The following CCDC38 variants were observed in gnomAD, a reference collection of about 807,000 sequenced individuals.
CCDC38 encodes the protein coiled-coil domain-containing protein 38.
In CCDC38, 69 loss-of-function variants were observed where a neutral mutation model predicts 72.8. The observed-to-expected ratio is 0.95, with a 90% CI of 0.78 to 1.16. The LOEUF is 1.16. Among genes scored for constraint, CCDC38 ranks in the 50% most tolerant of loss-of-function variants. The probability of loss-of-function intolerance (pLI) is 0.00; values close to 1 mark genes in which losing one functional copy is unlikely to be tolerated. For missense variants in CCDC38, 626 were observed against 638.9 expected, an observed-to-expected ratio of 0.98 and a Z score of 0.22; for synonymous variants, 201 against 213.2, an observed-to-expected ratio of 0.94 and a Z score of 0.50.
intron 7 of CCDC38, 123 bp from the exon 8 acceptor site, chr12:95,895,269 T>A (rs1373012884): frequency 1.7e-6 from 1 of 586,966 alleles, no homozygotes; most frequent in Non-Finnish European, 2.7e-6. Flanking sequence ...TCAAAAAGGA[T>A]AAATATGGCC....
intron 1 of CCDC38, among the ~76,000 whole-genome samples, chr12:95,937,603 C>G (rs934831957): frequency 3.9e-5 from 6 of 152,158 alleles, no homozygotes; most frequent in African/African-American, 1.4e-4. Context: ...AAACAATGGA[C>G]AACACATTCT....
At chr12:95,924,521 T>G (rs912698765) in intron 2 of CCDC38, among the ~76,000 whole-genome samples, 18 of 147,460 alleles carry the variant, frequency 1.2e-4, no homozygotes, top group Admixed American at 5.4e-4. Context: ...TTTCTTTTGC[T>G]GTGCAGAAGC....
rs2079671228 is a variant in CCDC38 at position 95,879,299 on chromosome 12, G to A, written c.1142+345C>T. ...GCATTATCATCCACAGCATGATTTG[G>A]TAAAGTAAATGACAGCTAGCCAAGT... is the stretch of plus-strand genomic sequence containing the variant. On this transcript the variant is annotated intron_variant, in intron 12 of 15. Coordinates refer to ENST00000344280, the MANE Select transcript of CCDC38 (RefSeq NM_182496.3). This position sits in a 1 kb window ranked among gnomAD's most constrained non-coding sequence, Gnocchi z 5.5. Among the ~76,000 whole-genome samples the A allele has an allele frequency of 6.6e-6, 1 of 152,160 alleles. No homozygotes were observed. Among genetic ancestry groups the A allele is most frequent in the Admixed American group, 6.5e-5 (1 of 15,278 alleles).
chr12:95,913,059 T>C (rs1007678164), intron 4 of CCDC38, among the ~76,000 whole-genome samples: 2 of 152,110 alleles, frequency 1.3e-5, no homozygotes, highest in Non-Finnish European at 2.9e-5. Context: ...AGTGAGACCC[T>C]GTCTCAAAAG....
At chr12:95,906,284 A>G in intron 5 of CCDC38, 103 bp downstream of exon 5, 2 of 811,554 alleles carry the variant, frequency 2.5e-6, no homozygotes, top group South Asian at 3.3e-5. Flanking sequence ...CAACCAATAG[A>G]TTTGGGACAT....
intron 2 of CCDC38, 71 bp downstream of exon 2, chr12:95,936,402 T>A: frequency 1.4e-6 from 2 of 1,379,458 alleles, no homozygotes; most frequent in South Asian, 2.7e-5. Context: ...CCTTTTCTTA[T>A]GCTCACAATC....
chr12:95,921,019 T>C (rs2080200899), intron 2 of CCDC38, among the ~76,000 whole-genome samples: 2 of 151,770 alleles, frequency 1.3e-5, no homozygotes, highest in African/African-American at 4.8e-5. Context: ...TCCCAGCTCC[T>C]TGGGAGGCTA....
intron 15 of CCDC38, among the ~76,000 whole-genome samples, chr12:95,868,587 T>C (rs17024799): frequency 0.084 from 12,847 of 152,250 alleles, 730 homozygotes; most frequent in South Asian, 0.25. Flanking sequence ...TTGAGGTTAG[T>C]TGTAAGGCAC....
intron 8 of CCDC38, among the ~76,000 whole-genome samples, chr12:95,893,540 CA>C (rs1377324914): frequency 6.6e-6 from 1 of 151,266 alleles, no homozygotes; most frequent in African/African-American, 2.4e-5. Flanking sequence ...GGCTGGAGTG[CA>C]GTGGCATGCT....
chr12:95,935,999 A>G (rs1293232242), intron 2 of CCDC38, among the ~76,000 whole-genome samples: 4 of 152,010 alleles, frequency 2.6e-5, no homozygotes, highest in African/African-American at 7.3e-5. Flanking sequence ...AATCACTTGA[A>G]CCCAGGAGGC....
At chr12:95,894,511 C>G (rs2079864425) in intron 8 of CCDC38, among the ~76,000 whole-genome samples, 1 of 152,158 alleles carries the variant, frequency 6.6e-6, no homozygotes, top group South Asian at 2.1e-4. Flanking sequence ...TTATGAATGG[C>G]TTGTTGCAAT....
At chr12:95,880,215 T>G (rs1194014992) in intron 11 of CCDC38, among the ~76,000 whole-genome samples, 5 of 152,240 alleles carry the variant, frequency 3.3e-5, no homozygotes, top group Non-Finnish European at 7.3e-5. Context: ...CTTAAACATT[T>G]TTTTAAAAAA....
intron 2 of CCDC38, chr12:95,919,679 A>C: frequency 2.2e-6 from 1 of 453,842 alleles, no homozygotes; most frequent in Non-Finnish European, 4.4e-6. Flanking sequence ...TAGTAGGATA[A>C]AATTTTGAGA....
Position 95,879,891 on chromosome 12 carries a change from A to G in CCDC38, c.991-96T>C, listed in dbSNP as rs759577874. 1.5e-4 allele frequency: 131 copies of G among 902,326 alleles called. No individual in the cohort carries two copies. Among genetic ancestry groups the G allele is most frequent in the Non-Finnish European group, 1.8e-4 (112 of 608,342 alleles). The allele number at this position is 902,326 out of a possible 1,614,324, so 55.9% of individuals were successfully genotyped here. ...AAAATACAGTGGGGTAAAGGAAGAC[A>G]GTTCTAAGGATGAGGGAGACACAGG... On this transcript the variant is annotated intron_variant, in intron 11 of 15. Coordinates refer to ENST00000344280, the MANE Select transcript of CCDC38 (RefSeq NM_182496.3). The surrounding 1 kb of genome is among the most constrained non-coding windows in gnomAD (Gnocchi z 5.5).
chr12:95,918,850 G>A (rs763965578), intron 3 of CCDC38, 26 bp downstream of exon 3: 3 of 1,417,146 alleles, frequency 2.1e-6, no homozygotes, highest in Non-Finnish European at 2.0e-6. Flanking sequence ...ACATTAATTG[G>A]GGTTGTGATT....
intron 2 of CCDC38, chr12:95,919,440 T>C: frequency 2.3e-6 from 1 of 440,404 alleles, no homozygotes; most frequent in Non-Finnish European, 4.6e-6. Flanking sequence ...TTTGTCTACC[T>C]ATTAAGTTAG....
intron 3 of CCDC38, among the ~76,000 whole-genome samples, chr12:95,918,264 A>C (rs189699138): frequency 1.1e-3 from 162 of 152,258 alleles, no homozygotes; most frequent in African/African-American, 3.6e-3. Flanking sequence ...TTCATACCAC[A>C]AAATTTGAAA....
Position 95,879,603 on chromosome 12 carries a change from A to G in CCDC38, c.1142+41T>C, listed in dbSNP as rs1472436257. On this transcript the variant is annotated intron_variant, in intron 12 of 15. Transcript: ENST00000344280. This position sits in a 1 kb window ranked among gnomAD's most constrained non-coding sequence, Gnocchi z 5.5. ...AGTTGGACCCAGGCTCTGGTTAGAA[A>G]TTGCTTAATGGAATAAATCTACTTG... 7.0e-7 allele frequency: 1 copy of G among 1,438,154 alleles called. No individual in the cohort carries two copies. The highest frequency in any genetic ancestry group is 1.4e-5 in the African/African-American group (1 of 70,652). 89.1% of individuals were successfully genotyped at this position (1,438,154 alleles called of 1,614,324 possible). A position where few individuals can be genotyped will look rare whatever the true frequency, so the allele number is the denominator to read the frequency against.
At chr12:95,902,063 A>T (rs1023935007) in intron 5 of CCDC38, among the ~76,000 whole-genome samples, 1 of 152,096 alleles carries the variant, frequency 6.6e-6, no homozygotes, top group African/African-American at 2.4e-5. Context: ...ATATCTAAAG[A>T]GGGTTTTTGG....
Sources: gnomAD v4.1 joint callset for allele counts (sites outside exome capture counted in the v4.1 genomes callset) on GRCh38, gnomAD v4.1.1 for gene constraint, Gnocchi (gnomAD v3.1) non-coding constraint, MANE v1.5 for transcripts, NCBI Gene and HGNC (gene_info 2026-07-23, HGNC 2026-07-21) for gene names.